Variants in NLRP5 observed in about 807,000 individuals in gnomAD.
NLRP5 encodes NLR family pyrin domain containing 5.
NLRP5 carries 93 observed loss-of-function variants against 113.1 expected under a neutral mutation model. The ratio of observed to expected loss-of-function variants is 0.82; its 90% CI spans 0.70 to 0.98. NLRP5 has a LOEUF of 0.98. Among genes scored for constraint, NLRP5 ranks in the 50% least tolerant of loss-of-function variants. The probability of loss-of-function intolerance (pLI) is 0.00; values close to 1 mark genes in which losing one functional copy is unlikely to be tolerated. For missense variants in NLRP5, 1,808 were observed against 1,514.3 expected (o/e 1.19, Z -3.22); for synonymous variants, 751 against 600.7 (o/e 1.25, Z -3.66).
chr19:56,015,625 A>G lies in NLRP5; in HGVS notation c.509-117A>G, dbSNP rs372334995. 6.3e-4 allele frequency: 502 copies of G among 797,764 alleles called. 10 individuals are homozygous for G. In the South Asian group the frequency reaches 0.011, roughly 17 times the overall value. 49.4% of individuals were successfully genotyped at this position (797,764 alleles called of 1,614,324 possible). A position where few individuals can be genotyped will look rare whatever the true frequency, so the allele number is the denominator to read the frequency against. ...CGCTGAGCCAGTGGTTCTGTGCTCT[A>G]AACTGGTCAGAAAATTAACTATGGC... On this transcript the variant is annotated intron_variant, in intron 3 of 14. Transcript: ENST00000390649.
chr19:56,058,740 G>C (rs1191369657), intron 14 of NLRP5, among the ~76,000 whole-genome samples: 1 of 152,150 alleles, frequency 6.6e-6, no homozygotes, highest in Non-Finnish European at 1.5e-5. Context: ...TTACCCAAAA[G>C]AATTAAAAGG....
At chr19:56,038,248 C>G in intron 10 of NLRP5, 53 bp downstream of exon 10, 18 of 1,557,774 alleles carry the variant, frequency 1.2e-5, no homozygotes, top group Non-Finnish European at 1.4e-5. Flanking sequence ...CCAGGATTAT[C>G]GTAACTTCGA....
At chr19:56,033,047 A>T (rs1250737021) in intron 8 of NLRP5, among the ~76,000 whole-genome samples, 1 of 151,886 alleles carries the variant, frequency 6.6e-6, no homozygotes, top group Non-Finnish European at 1.5e-5. Flanking sequence ...GGAGTTCAAG[A>T]CCAGCCTGGC....
At chr19:55,992,583 G>T in the NLRP5 span, among the ~76,000 whole-genome samples, 3 of 152,060 alleles carry the variant, frequency 2.0e-5, no homozygotes, top group African/African-American at 7.2e-5. Flanking sequence ...ATTCTCTGTA[G>T]GGCTTGTGTC....
upstream of NLRP5, among the ~76,000 whole-genome samples, chr19:55,996,071 G>C (rs1453793404): frequency 6.6e-6 from 1 of 152,136 alleles, no homozygotes; most frequent in African/African-American, 2.4e-5. Flanking sequence ...CTAAATGAAA[G>C]ATTATATTGC....
At chr19:55,989,771 C>T in the NLRP5 span, among the ~76,000 whole-genome samples, 3 of 152,136 alleles carry the variant, frequency 2.0e-5, no homozygotes, top group African/African-American at 7.2e-5. Flanking sequence ...CAAATTAACC[C>T]ACCTGTTTTT....
upstream of NLRP5, among the ~76,000 whole-genome samples, chr19:55,998,702 A>ATG (rs144186734): frequency 4.9e-3 from 363 of 73,692 alleles, 11 homozygotes; most frequent in East Asian, 0.035. Context: ...ATATATATAT[A>ATG]TGTGTGTGTG....
intron 3 of NLRP5, among the ~76,000 whole-genome samples, chr19:56,013,632 T>C (rs1982297870): frequency 7.1e-6 from 1 of 141,158 alleles, no homozygotes; most frequent in South Asian, 2.3e-4. Flanking sequence ...TTATGAACGA[T>C]GCAGCTATGG....
chr19:55,996,924 A>G (rs1368054507), upstream of NLRP5, among the ~76,000 whole-genome samples: 2 of 152,260 alleles, frequency 1.3e-5, no homozygotes, highest in Non-Finnish European at 2.9e-5. Flanking sequence ...GACTTCCACA[A>G]TGGTTGAACT....
chr19:56,057,956 G>A (rs1417122423), intron 13 of NLRP5, among the ~76,000 whole-genome samples: 1 of 151,310 alleles, frequency 6.6e-6, no homozygotes, highest in Non-Finnish European at 1.5e-5. Context: ...GAATCCCAGA[G>A]GTAGAAGGTT....
intron 13 of NLRP5, among the ~76,000 whole-genome samples, chr19:56,056,446 A>C (rs1023653761): frequency 6.6e-6 from 1 of 151,972 alleles, no homozygotes; most frequent in African/African-American, 2.4e-5. Context: ...AATCCCAGCT[A>C]CTCAGGAGGC....
rs781042096 is a variant in NLRP5 at position 56,050,608 on chromosome 19, T to G, written c.3128+20T>G. 6 of 1,610,788 alleles carry G rather than the reference T, an allele frequency of 3.7e-6. No homozygotes were observed. The East Asian group carries it at 1.1e-4, about 30-fold the overall frequency. On this transcript the variant is annotated intron_variant, in intron 12 of 14. Coordinates refer to ENST00000390649, the MANE Select transcript of NLRP5 (RefSeq NM_153447.4). The stretch of plus-strand genomic sequence containing the variant: ...CCTGGAGTGAGTTTCCCATGGGCGT[T>G]GGGTCAACTCTATCATACTGGGGTC...
rs764936017 is a variant in NLRP5 at position 56,053,707 on chromosome 19, C to A, written c.3198C>A (p.His1066Gln). The A allele has an allele frequency of 4.3e-6, 7 of 1,613,826 alleles. No individual in the cohort carries two copies. Among genetic ancestry groups the A allele is most frequent in the East Asian group, 2.2e-5 (1 of 44,874 alleles). Reference sequence around the variant, plus strand: ...CCTGTGTGATCTCGAGGAGCAGACACCTGAAGAGCCTGGATCTCACGGACA... The same window carrying A: ...CCTGTGTGATCTCGAGGAGCAGACAACTGAAGAGCCTGGATCTCACGGACA... The change falls in exon 13 of 15, where the codon CAC (histidine) becomes CAA (glutamine). Residue 1066 changes from histidine to glutamine, a missense_variant. By Grantham distance (24) the His-to-Gln change is conservative. Transcript: ENST00000390649.
At chr19:56,043,856 C>T (rs917992197) in intron 11 of NLRP5, among the ~76,000 whole-genome samples, 8 of 151,570 alleles carry the variant, frequency 5.3e-5, no homozygotes, top group Non-Finnish European at 8.8e-5. Flanking sequence ...GGATTACAGG[C>T]GTGAGCCACC....
At chr19:56,053,573 A>G (rs1315963385) in intron 12 of NLRP5, 65 bp from the exon 13 acceptor site, 1 of 1,440,684 alleles carries the variant, frequency 6.9e-7, no homozygotes, top group Non-Finnish European at 9.5e-7. Context: ...ATGCTGCTGA[A>G]CCTTCTCCCG....
At chr19:55,998,688 A>ATGTGTGTGTGTG (rs1210718419), upstream of NLRP5, among the ~76,000 whole-genome samples, 3,688 of 50,078 alleles carry the variant, frequency 0.074, 130 homozygotes, top group Middle Eastern at 0.14. Flanking sequence ...ATATATATAT[A>ATGTGTGTGTGTG]TATATATATA....
At chr19:56,002,822 T>G (rs1361842520) in intron 1 of NLRP5, among the ~76,000 whole-genome samples, 1 of 152,106 alleles carries the variant, frequency 6.6e-6, no homozygotes, top group Non-Finnish European at 1.5e-5. Context: ...TGCATAGTAT[T>G]CCATGGTGTA....
chr19:56,044,863 G>A (rs887213544), intron 11 of NLRP5, among the ~76,000 whole-genome samples: 8 of 152,282 alleles, frequency 5.3e-5, no homozygotes, highest in Admixed American at 2.0e-4. Flanking sequence ...CCATTTGTTC[G>A]TGTCGTCTGT....
intron 12 of NLRP5, among the ~76,000 whole-genome samples, chr19:56,051,398 G>A (rs1387608126): frequency 1.3e-5 from 2 of 152,018 alleles, no homozygotes; most frequent in African/African-American, 4.8e-5. Context: ...TCACCATGTC[G>A]GCCAGGCTGG....
Sources: allele counts gnomAD v4.1 joint callset (sites outside exome capture counted in the v4.1 genomes callset), GRCh38; gene constraint gnomAD v4.1.1; transcripts MANE v1.5; gene names NCBI Gene and HGNC (gene_info 2026-07-23, HGNC 2026-07-21).